Variants in PTPRQ observed in about 807,000 individuals in gnomAD.
PTPRQ encodes the protein protein tyrosine phosphatase receptor type Q, also known as phosphatidylinositol phosphatase PTPRQ.
A neutral mutation model predicts 246.0 loss-of-function variants in PTPRQ; 199 were observed. The ratio of observed to expected loss-of-function variants is 0.81; its 90% CI spans 0.72 to 0.91. The LOEUF (loss-of-function observed/expected upper bound fraction) is 0.91. Among genes scored for constraint, PTPRQ ranks in the 40% least tolerant of loss-of-function variants. The pLI, the probability that PTPRQ is intolerant of heterozygous loss-of-function variation, is 0.00. For missense variants in PTPRQ, 2,624 were observed against 2,528.4 expected (o/e 1.04, Z -0.81); for synonymous variants, 869 against 853.2 (o/e 1.02, Z -0.32).
chr12:80,615,319 C>T (rs1248868170), intron 29 of PTPRQ, among the ~76,000 whole-genome samples: 33 of 150,812 alleles, frequency 2.2e-4, no homozygotes, highest in Non-Finnish European at 1.5e-5. Flanking sequence ...TCAATAAAAA[C>T]ATTTTAAAAG....
chr12:80,624,288 G>GGGT (rs1424602273), intron 33 of PTPRQ, among the ~76,000 whole-genome samples: 1 of 152,144 alleles, frequency 6.6e-6, no homozygotes, highest in African/African-American at 2.4e-5. Context: ...TGACAAGGAA[G>GGGT]GGTCCTATGT....
chr12:80,622,634 G>A (rs2121139342), intron 33 of PTPRQ, among the ~76,000 whole-genome samples: 1 of 152,174 alleles, frequency 6.6e-6, no homozygotes, highest in African/African-American at 2.4e-5. Flanking sequence ...GATTCTTTCA[G>A]TATTTAAGTG....
At chr12:80,480,349 GAA>G (rs1893993884) in intron 8 of PTPRQ, among the ~76,000 whole-genome samples, 1 of 152,020 alleles carries the variant, frequency 6.6e-6, no homozygotes, top group African/African-American at 2.4e-5. Flanking sequence ...CAACATACCA[GAA>G]TATCTGGGAC....
chr12:80,624,368 G>A (rs1002994289), intron 33 of PTPRQ, among the ~76,000 whole-genome samples: 2 of 152,136 alleles, frequency 1.3e-5, no homozygotes, highest in Non-Finnish European at 2.9e-5. Context: ...AGTCTTTTAG[G>A]TTGCTCCTTA....
intron 3 of PTPRQ, among the ~76,000 whole-genome samples, chr12:80,446,244 G>C (rs1185227655): frequency 1.4e-5 from 2 of 146,498 alleles, no homozygotes; most frequent in African/African-American, 5.1e-5. Flanking sequence ...TTTTTTTGGT[G>C]CTTTAGACTG....
At chr12:80,647,889 G>GT (rs946036326) in intron 35 of PTPRQ, among the ~76,000 whole-genome samples, 2 of 126,090 alleles carry the variant, frequency 1.6e-5, no homozygotes, top group Non-Finnish European at 3.9e-5. Flanking sequence ...CTTTCTGCTT[G>GT]GGGGGCACCC....
intron 25 of PTPRQ, among the ~76,000 whole-genome samples, chr12:80,581,271 A>C (rs1217633855): frequency 6.6e-6 from 1 of 152,188 alleles, no homozygotes; most frequent in Non-Finnish European, 1.5e-5. Flanking sequence ...AAAAGAAGGA[A>C]AGCATTTGTA....
chr12:80,586,412 A>T (rs1418050408), intron 25 of PTPRQ, among the ~76,000 whole-genome samples: 1 of 151,052 alleles, frequency 6.6e-6, no homozygotes, highest in Non-Finnish European at 1.5e-5. Context: ...GCTGGAGAGG[A>T]TGTGGAGAAA....
At chr12:80,605,033 A>G in intron 26 of PTPRQ, 26 bp from the exon 27 acceptor site, 2 of 1,528,130 alleles carry the variant, frequency 1.3e-6, no homozygotes, top group South Asian at 2.5e-5. Flanking sequence ...TAATGTAGCT[A>G]GATAATTAAT....
chr12:80,500,717 C>A (rs556855468), intron 14 of PTPRQ, among the ~76,000 whole-genome samples: 1 of 151,910 alleles, frequency 6.6e-6, no homozygotes, highest in Non-Finnish European at 1.5e-5. Context: ...CACTAAACAG[C>A]TTTTATGGGT....
intron 19 of PTPRQ, among the ~76,000 whole-genome samples, chr12:80,538,414 T>C (rs1337735212): frequency 6.6e-6 from 1 of 152,182 alleles, no homozygotes; most frequent in Non-Finnish European, 1.5e-5. Flanking sequence ...GTAATCAGAA[T>C]AAATTCTATA....
At chr12:80,614,661 A>G (rs541663030) in intron 29 of PTPRQ, among the ~76,000 whole-genome samples, 125 of 151,018 alleles carry the variant, frequency 8.3e-4, no homozygotes, top group Admixed American at 1.3e-3. Context: ...TAAGTGGACC[A>G]CCATTGTGAA....
intron 37 of PTPRQ, among the ~76,000 whole-genome samples, chr12:80,650,316 GTTTTTT>G (rs34306935): frequency 6.7e-6 from 1 of 149,024 alleles, no homozygotes; most frequent in African/African-American, 2.4e-5. Context: ...GTTGGGAATA[GTTTTTT>G]TTTTAACATT....
intron 7 of PTPRQ, among the ~76,000 whole-genome samples, chr12:80,469,884 A>C (rs1271459567): frequency 6.6e-6 from 1 of 152,240 alleles, no homozygotes; most frequent in African/African-American, 2.4e-5. Context: ...TGTAGCAATA[A>C]TTGCATTTAG....
At chr12:80,673,698 A>G (rs1163298) in intron 43 of PTPRQ, among the ~76,000 whole-genome samples, 61,689 of 151,964 alleles carry the variant, frequency 0.41, 13,734 homozygotes, top group African/African-American at 0.6. Context: ...TGACTGTAAT[A>G]AAGTTCTATG....
chr12:80,549,462 A>G lies in PTPRQ; in HGVS notation c.4016-3A>G, dbSNP rs1896403748. 6.5e-7 allele frequency: 1 copy of G among 1,540,834 alleles called. No individual in the cohort carries two copies. Among genetic ancestry groups the G allele is most frequent in the African/African-American group, 1.4e-5 (1 of 72,726 alleles). ...AACTTTGGGCATATGTTTATCTCTT[A>G]AGTTCCAGATGTCGTGCAGAATATG... On this transcript the variant is annotated splice_region_variant and splice_polypyrimidine_tract_variant and intron_variant, in intron 24 of 44. Coordinates refer to ENST00000644991, the MANE Select transcript of PTPRQ (RefSeq NM_001145026.2).
intron 23 of PTPRQ, among the ~76,000 whole-genome samples, chr12:80,545,682 G>A (rs1896280896): frequency 1.3e-5 from 2 of 151,060 alleles, no homozygotes; most frequent in Non-Finnish European, 3.0e-5. Context: ...ATTAGAAATA[G>A]AGGAATCGGC....
intron 19 of PTPRQ, among the ~76,000 whole-genome samples, chr12:80,537,418 G>A (rs1440410776): frequency 2.0e-5 from 3 of 152,046 alleles, no homozygotes; most frequent in Non-Finnish European, 4.4e-5. Flanking sequence ...GATAACTGTT[G>A]CTTCTCTTAG....
At chr12:80,608,507 T>C (rs549110279) in intron 27 of PTPRQ, among the ~76,000 whole-genome samples, 22 of 142,532 alleles carry the variant, frequency 1.5e-4, no homozygotes, top group African/African-American at 5.8e-4. Flanking sequence ...CGACTTGATA[T>C]TTGTTATCTA....
Sources: gnomAD v4.1 joint callset for allele counts (sites outside exome capture counted in the v4.1 genomes callset) on GRCh38, gnomAD v4.1.1 for gene constraint, MANE v1.5 for transcripts, NCBI Gene and HGNC (gene_info 2026-07-23, HGNC 2026-07-21) for gene names.